DNAJC3: variants seen among roughly 807,000 people sequenced by gnomAD.
The protein encoded by DNAJC3 is DnaJ heat shock protein family (Hsp40) member C3.
Under a neutral mutation model 68.6 loss-of-function variants are expected in DNAJC3, and 38 were observed. The ratio of observed to expected loss-of-function variants is 0.55; its 90% confidence interval spans 0.43 to 0.73. The LOEUF is 0.73. Among genes scored for constraint, DNAJC3 ranks in the 30% least tolerant of loss-of-function variants. DNAJC3 has a pLI of 0.00. For missense variants in DNAJC3, 526 were observed against 591.9 expected, an observed-to-expected ratio of 0.89 and a Z score of 1.16; for synonymous variants, 203 against 204.0, an observed-to-expected ratio of 1.00 and a Z score of 0.04.
intron 1 of DNAJC3, among the ~76,000 whole-genome samples, chr13:95,683,410 TC>T (rs773924393): frequency 2.0e-5 from 3 of 152,036 alleles, no homozygotes; most frequent in Non-Finnish European, 4.4e-5. Context: ...TTTAGCACCA[TC>T]CCCCAGAGCT....
At chr13:95,707,258 G>C (rs894140114) in intron 1 of DNAJC3, among the ~76,000 whole-genome samples, 1 of 152,176 alleles carries the variant, frequency 6.6e-6, no homozygotes, top group African/African-American at 2.4e-5. Flanking sequence ...ACTTCCTGCT[G>C]TGTGGCCCAG....
chr13:95,716,852 C>T (rs748802366), intron 2 of DNAJC3, among the ~76,000 whole-genome samples: 2 of 152,134 alleles, frequency 1.3e-5, no homozygotes, highest in Non-Finnish European at 2.9e-5. Context: ...GCGTGGCTGG[C>T]CAGAGTGATC....
At chr13:95,741,578 C>T (rs1882145985) in intron 4 of DNAJC3, among the ~76,000 whole-genome samples, 1 of 152,156 alleles carries the variant, frequency 6.6e-6, no homozygotes, top group Non-Finnish European at 1.5e-5. Context: ...GGAATGGCAG[C>T]AGTGGATTGG....
Position 95,683,959 on chromosome 13 carries a change from G to C in DNAJC3, c.82+6622G>C, listed in dbSNP as rs374672605. ...AAAAAAAAAAAAAAAAAATTACCCAGTTCCGGGTATTTCTTTATAGCAATG... is the reference window on the plus strand; with the variant it reads ...AAAAAAAAAAAAAAAAAATTACCCACTTCCGGGTATTTCTTTATAGCAATG... On this transcript the variant is annotated intron_variant, in intron 1 of 11. Coordinates refer to ENST00000602402, the MANE Select transcript of DNAJC3 (RefSeq NM_006260.5). Among the ~76,000 whole-genome samples the C allele has an allele frequency of 3.5e-3, 522 of 148,042 alleles. 4 individuals are homozygous for C. Among genetic ancestry groups the C allele is most frequent in the African/African-American group, 0.012 (495 of 40,100 alleles).
At chr13:95,707,783 C>A (rs996722157) in intron 1 of DNAJC3, among the ~76,000 whole-genome samples, 2 of 152,156 alleles carry the variant, frequency 1.3e-5, no homozygotes, top group African/African-American at 2.4e-5. Context: ...AAGGAAGGAC[C>A]AACTTGCAAG....
chr13:95,718,448 CTGGAGTGCAG>C (rs1881220194), intron 2 of DNAJC3, among the ~76,000 whole-genome samples: 2 of 152,352 alleles, frequency 1.3e-5, no homozygotes, highest in South Asian at 4.1e-4. Context: ...GTCACCCATG[CTGGAGTGCAG>C]TGGTATGATC....
At position 95,791,401 on chromosome 13, in the gene DNAJC3, GA is replaced by G; in HGVS notation, c.*373del. ...AGTAAGTCAGTGCCTACAAGTGTAA[GA>G]AGGAGCTGTAATCTTCATGAGGATG... On this transcript the variant is annotated 3_prime_UTR_variant, in exon 12 of 12. Coordinates refer to ENST00000602402, the MANE Select transcript of DNAJC3 (RefSeq NM_006260.5). 4.2e-6 allele frequency: 1 copy of G among 235,796 alleles called. No individual in the cohort carries two copies. Among genetic ancestry groups the G allele is most frequent in the Middle Eastern group, 1.6e-3 (1 of 632 alleles). 14.6% of individuals were successfully genotyped at this position (235,796 alleles called of 1,614,324 possible). A position where few individuals can be genotyped will look rare whatever the true frequency, so the allele number is the denominator to read the frequency against.
At chr13:95,721,640 G>GTT (rs59951052) in intron 2 of DNAJC3, among the ~76,000 whole-genome samples, 2,324 of 136,458 alleles carry the variant, frequency 0.017, 65 homozygotes, top group African/African-American at 0.059. Flanking sequence ...CAATGTGTGT[G>GTT]TTTTTTTTTT....
Position 95,729,420 on chromosome 13 carries a change from A to G in DNAJC3, c.393+4168A>G, listed in dbSNP as rs866799854. ...TCTCCCTCTCTCCATACACACACAC[A>G]TACCCCATACTTAACTTTATTAATT... On this transcript the variant is annotated intron_variant, in intron 4 of 11. Transcript: ENST00000602402. Among the ~76,000 whole-genome samples the G allele has an allele frequency of 1.8e-4, 27 of 150,078 alleles. 2 individuals carry two copies. The South Asian group carries it at 2.8e-3, about 15-fold the overall frequency.
chr13:95,723,370 A>G lies in DNAJC3; in HGVS notation c.318+4A>G. 1 of 1,605,246 alleles carries G rather than the reference A, an allele frequency of 6.2e-7. No homozygotes were observed. The highest frequency in any genetic ancestry group is 1.3e-5 in the African/African-American group (1 of 74,674). ...ATTGAAGATGGACTTCACTGCAGTA[A>G]GTATATCTCAACTTTCTTTAAAGGG... On this transcript the variant is annotated splice_donor_region_variant and intron_variant, in intron 3 of 11. Transcript: ENST00000602402.
intron 4 of DNAJC3, among the ~76,000 whole-genome samples, chr13:95,741,001 A>G (rs988199798): frequency 2.0e-5 from 3 of 151,912 alleles, no homozygotes; most frequent in African/African-American, 7.3e-5. Flanking sequence ...GTTCTCTTAT[A>G]TCTCCCTGAG....
Position 95,791,141 on chromosome 13 carries a change from C to CAA in DNAJC3, c.*113_*114dup, listed in dbSNP as rs1883760039. ...CAAATCTTTTCAGTTTGTCCATGAC[C>CAA]AAAGAGTTGCTTTAATAGGAAAAAA... On this transcript the variant is annotated 3_prime_UTR_variant, in exon 12 of 12. Transcript: ENST00000602402. The CAA allele has an allele frequency of 1.5e-5, 19 of 1,265,504 alleles. No homozygotes were observed. The South Asian group carries it at 2.2e-4, about 15-fold the overall frequency. 78.4% of individuals were successfully genotyped at this position (1,265,504 alleles called of 1,614,324 possible).
intron 9 of DNAJC3, among the ~76,000 whole-genome samples, chr13:95,770,785 A>G (rs1883134837): frequency 6.6e-6 from 1 of 152,204 alleles, no homozygotes; most frequent in African/African-American, 2.4e-5. Flanking sequence ...GCTCTCGTAC[A>G]CTTCTGGGCT....
intron 1 of DNAJC3, among the ~76,000 whole-genome samples, chr13:95,705,187 C>T (rs753499056): frequency 2.0e-5 from 3 of 152,158 alleles, no homozygotes. Context: ...TAATCTCCAT[C>T]CCTGCCACCA....
intron 4 of DNAJC3, among the ~76,000 whole-genome samples, chr13:95,755,467 TA>T (rs367637571): frequency 6.7e-6 from 1 of 149,518 alleles, no homozygotes; most frequent in African/African-American, 2.5e-5. Context: ...CTTTAAAGAA[TA>T]AAAAAATGGG....
chr13:95,722,280 T>C (rs1881347165), intron 2 of DNAJC3, among the ~76,000 whole-genome samples: 1 of 152,204 alleles, frequency 6.6e-6, no homozygotes, highest in South Asian at 2.1e-4. Flanking sequence ...TCTCCTCCTT[T>C]GTCCTTGTAC....
At position 95,688,925 on chromosome 13, in the gene DNAJC3, T is replaced by TGGGG. The variant is rs140263730; in HGVS notation, c.82+11591_82+11592insGGGG. 1.1e-3 allele frequency among the ~76,000 whole-genome samples: 121 copies of TGGGG among 113,068 alleles called. 1 individual carries two copies. The highest frequency in any genetic ancestry group is 4.9e-3 in the Middle Eastern group (1 of 204). 74.2% of individuals were successfully genotyped at this position (113,068 alleles called of 152,430 possible). A position where few individuals can be genotyped will look rare whatever the true frequency, so the allele number is the denominator to read the frequency against. On this transcript the variant is annotated intron_variant, in intron 1 of 11. Coordinates refer to ENST00000602402, the MANE Select transcript of DNAJC3 (RefSeq NM_006260.5). ...CAGAGACAAAGCCCATTTGATTGTGTGGGTGTGTGTGTGTGTGTGTGTGTG... is the reference window on the plus strand; with the variant it reads ...CAGAGACAAAGCCCATTTGATTGTGTGGGGGGGTGTGTGTGTGTGTGTGTGTGTG...
At chr13:95,712,508 C>T (rs372694872) in intron 2 of DNAJC3, among the ~76,000 whole-genome samples, 31 of 151,820 alleles carry the variant, frequency 2.0e-4, no homozygotes, top group East Asian at 1.7e-3. Flanking sequence ...TCCCAAGTAG[C>T]GGGGGTTACA....
chr13:95,720,411 G>C (rs1200291328), intron 2 of DNAJC3, among the ~76,000 whole-genome samples: 2 of 152,174 alleles, frequency 1.3e-5, no homozygotes, highest in Non-Finnish European at 2.9e-5. Context: ...ATGGACTACA[G>C]AAAGAAGAAA....
Sources: gnomAD v4.1 joint callset for allele counts (sites outside exome capture counted in the v4.1 genomes callset) on GRCh38, gnomAD v4.1.1 for gene constraint, MANE v1.5 for transcripts, NCBI Gene and HGNC (gene_info 2026-07-23, HGNC 2026-07-21) for gene names.